The following RBPJ variants were observed in gnomAD, a reference collection of about 807,000 sequenced individuals.
RBPJ encodes the protein recombining binding protein suppressor of hairless.
A neutral mutation model predicts 67.8 loss-of-function variants in RBPJ; 9 were observed. That is an observed-to-expected ratio of 0.13 (90% CI 0.08 to 0.23). The LOEUF (loss-of-function observed/expected upper bound fraction) is 0.23. Among genes scored for constraint, RBPJ ranks in the 10% least tolerant of loss-of-function variants. The pLI, the probability that RBPJ is intolerant of heterozygous loss-of-function variation, is 1.00. For missense variants in RBPJ, 305 were observed against 595.6 expected (o/e 0.51, Z 5.08); for synonymous variants, 198 against 203.3 (o/e 0.97, Z 0.22).
At chr4:26,384,527 AG>A (rs375772763) in intron 1 of RBPJ, 8 of 152,314 alleles carry the variant, frequency 5.3e-5, no homozygotes, top group African/African-American at 1.7e-4. Flanking sequence ...TTATAATTGT[AG>A]TCTTGCTTCA....
At chr4:26,169,514 G>T (rs977777485) in intron 1 of RBPJ, among the ~76,000 whole-genome samples, 2 of 152,188 alleles carry the variant, frequency 1.3e-5, no homozygotes, top group Admixed American at 6.5e-5. Flanking sequence ...GCTGCTCGGG[G>T]GTCAGGGGTC....
At chr4:26,162,720 G>A (rs928966207), upstream of RBPJ, among the ~76,000 whole-genome samples, 12 of 152,204 alleles carry the variant, frequency 7.9e-5, no homozygotes, top group African/African-American at 2.9e-4. Flanking sequence ...CAGGCTCCGA[G>A]CACATGTCCT....
chr4:26,319,040 A>G (rs1289291709), upstream of RBPJ, among the ~76,000 whole-genome samples: 1 of 150,718 alleles, frequency 6.6e-6, no homozygotes, highest in Non-Finnish European at 1.5e-5. Context: ...TTGCTAAAGT[A>G]GAGTAGCTAA....
chr4:26,426,014 A>G lies in RBPJ; in HGVS notation c.747+1271A>G, dbSNP rs115818230. Among the ~76,000 whole-genome samples, 117 of 152,064 alleles carry G rather than the reference A, an allele frequency of 7.7e-4. 1 individual carries two copies. The highest frequency in any genetic ancestry group is 2.8e-3 in the African/African-American group (115 of 41,478). ...CAAGGTGATTTTATTTCCCATGTCAATGCAATAAGCTAGAAGACATGAAGT... is the reference window on the plus strand; with the variant it reads ...CAAGGTGATTTTATTTCCCATGTCAGTGCAATAAGCTAGAAGACATGAAGT... On this transcript the variant is annotated intron_variant, in intron 7 of 10. Coordinates refer to ENST00000355476, the MANE Select transcript of RBPJ (RefSeq NM_015874.6).
chr4:26,424,876 C>G lies in RBPJ; in HGVS notation c.747+133C>G, dbSNP rs1436710585. 4 of 607,022 alleles carry G rather than the reference C, an allele frequency of 6.6e-6. No individual in the cohort carries two copies. Among genetic ancestry groups the G allele is most frequent in the Non-Finnish European group, 1.2e-5 (4 of 343,054 alleles). The allele number at this position is 607,022 out of a possible 1,614,324, so 37.6% of individuals were successfully genotyped here. On this transcript the variant is annotated intron_variant, in intron 7 of 10. Transcript: ENST00000355476. The surrounding 1 kb of genome is among the most constrained non-coding windows in gnomAD (Gnocchi z 5.3). Reference sequence around the variant, plus strand: ...TAATTTTAAAAGGTATGTTAGTAATCAGTGCTGTTTATAATTGACAGTTAT... The same window carrying G: ...TAATTTTAAAAGGTATGTTAGTAATGAGTGCTGTTTATAATTGACAGTTAT...
chr4:26,398,718 C>G (rs1003944128), intron 2 of RBPJ, among the ~76,000 whole-genome samples: 9 of 152,094 alleles, frequency 5.9e-5, no homozygotes, highest in African/African-American at 1.9e-4. Context: ...CGTTCAAGTG[C>G]TTCTTTTGCC....
intron 1 of RBPJ, among the ~76,000 whole-genome samples, chr4:26,314,280 C>T (rs1466878219): frequency 6.6e-6 from 1 of 151,936 alleles, no homozygotes; most frequent in East Asian, 1.9e-4. Context: ...ATGTTTGTTA[C>T]CAGTATTTTT....
intron 1 of RBPJ, among the ~76,000 whole-genome samples, chr4:26,334,289 G>C (rs1283815833): frequency 6.6e-6 from 1 of 151,916 alleles, no homozygotes; most frequent in African/African-American, 2.4e-5. Context: ...TGATCTGCCT[G>C]CCTTGGCCTT....
At chr4:26,268,274 C>T (rs770293184) in intron 1 of RBPJ, among the ~76,000 whole-genome samples, 1 of 151,864 alleles carries the variant, frequency 6.6e-6, no homozygotes, top group Non-Finnish European at 1.5e-5. Context: ...AAAAAACAAA[C>T]AACAAAAACC....
At chr4:26,379,696 G>C (rs901324175) in intron 1 of RBPJ, among the ~76,000 whole-genome samples, 8 of 151,988 alleles carry the variant, frequency 5.3e-5, no homozygotes, top group Non-Finnish European at 8.8e-5. Flanking sequence ...AGAGATTTGG[G>C]TAAGAACACA....
intron 2 of RBPJ, among the ~76,000 whole-genome samples, chr4:26,388,870 A>G (rs1469054861): frequency 6.6e-6 from 1 of 152,188 alleles, no homozygotes; most frequent in Non-Finnish European, 1.5e-5. Flanking sequence ...GAATAAAACA[A>G]TATATGAAGA....
At chr4:26,330,535 T>C (rs1269089067) in intron 1 of RBPJ, among the ~76,000 whole-genome samples, 2 of 152,224 alleles carry the variant, frequency 1.3e-5, no homozygotes, top group Non-Finnish European at 2.9e-5. Flanking sequence ...ACACATATCA[T>C]ATAGAAAACT....
At chr4:26,297,612 CT>C (rs1168584275) in intron 1 of RBPJ, among the ~76,000 whole-genome samples, 2 of 151,778 alleles carry the variant, frequency 1.3e-5, no homozygotes, top group African/African-American at 2.4e-5. Context: ...CATAAAACAG[CT>C]GGTCAGACAC....
intron 1 of RBPJ, among the ~76,000 whole-genome samples, chr4:26,273,517 G>A (rs11933748): frequency 0.12 from 17,816 of 152,228 alleles, 1,581 homozygotes; most frequent in African/African-American, 0.25. Context: ...TAGCTGCCTG[G>A]AAGGAAACTG....
chr4:26,270,995 A>G (rs1169207365), intron 1 of RBPJ, among the ~76,000 whole-genome samples: 4 of 151,926 alleles, frequency 2.6e-5, no homozygotes, highest in Non-Finnish European at 5.9e-5. Context: ...TATTCATACA[A>G]CTTTTATACA....
rs1730026878 is a variant in RBPJ, at chr4:26,378,885, G to A, written c.21-7468G>A. 2.0e-5 allele frequency among the ~76,000 whole-genome samples: 3 copies of A among 152,012 alleles called. No homozygotes were observed. The South Asian group carries it at 6.2e-4, about 32-fold the overall frequency. Reference sequence around the variant, plus strand: ...CTACAAAAATACAAAAATTAGCTGGGCATAATGGTGGGTGCCTGTAATCCC... The same window carrying A: ...CTACAAAAATACAAAAATTAGCTGGACATAATGGTGGGTGCCTGTAATCCC... On this transcript the variant is annotated intron_variant, in intron 1 of 10. Transcript: ENST00000355476.
the RBPJ span, among the ~76,000 whole-genome samples, chr4:26,149,399 A>G: frequency 1.3e-5 from 2 of 152,206 alleles, no homozygotes; most frequent in African/African-American, 2.4e-5. Context: ...GGTTACTATC[A>G]TCGATAATAG....
At chr4:26,325,530 A>G (rs1318101607) in intron 1 of RBPJ, among the ~76,000 whole-genome samples, 1 of 152,232 alleles carries the variant, frequency 6.6e-6, no homozygotes, top group Non-Finnish European at 1.5e-5. Context: ...TTGACAAGTT[A>G]ATCTCTTTAT....
the RBPJ span, among the ~76,000 whole-genome samples, chr4:26,111,539 G>A: frequency 6.6e-6 from 1 of 152,178 alleles, no homozygotes; most frequent in Non-Finnish European, 1.5e-5. Context: ...GGCTTTTGGG[G>A]CTTTGGGGAA....
Sources: allele counts gnomAD v4.1 joint callset (sites outside exome capture counted in the v4.1 genomes callset), GRCh38; gene constraint gnomAD v4.1.1; non-coding constraint Gnocchi (gnomAD v3.1); transcripts MANE v1.5; gene names NCBI Gene and HGNC (gene_info 2026-07-23, HGNC 2026-07-21).